Variants in NFIB observed in about 807,000 individuals in gnomAD.
NFIB encodes nuclear factor 1 B-type.
Under a neutral mutation model 61.5 loss-of-function variants are expected in NFIB, and 11 were observed. That is an observed-to-expected ratio of 0.18 (90% CI 0.11 to 0.30). NFIB has a LOEUF of 0.30. NFIB is among the 10% of genes least tolerant of loss of function. The pLI is 1.00. For synonymous variants in NFIB, 260 were observed against 216.5 expected (o/e 1.20, Z -1.76); for missense variants, 471 against 608.9 (o/e 0.77, Z 2.38).
At chr9:14,491,868 A>T in the NFIB span, among the ~76,000 whole-genome samples, 1 of 152,176 alleles carries the variant, frequency 6.6e-6, no homozygotes, top group African/African-American at 2.4e-5. Context: ...TGAAGGGATA[A>T]ATATAATCTG....
At chr9:14,434,601 C>A in the NFIB span, among the ~76,000 whole-genome samples, 1 of 152,168 alleles carries the variant, frequency 6.6e-6, no homozygotes, top group African/African-American at 2.4e-5. Flanking sequence ...TAGTTTTCTC[C>A]CCGCCAGAAT....
intron 1 of NFIB, among the ~76,000 whole-genome samples, chr9:14,340,893 G>A (rs1227533411): frequency 6.9e-6 from 1 of 145,340 alleles, no homozygotes; most frequent in Admixed American, 6.8e-5. Flanking sequence ...GTCATGGAAA[G>A]AACAGAGGAC....
At chr9:14,442,858 G>T in the NFIB span, among the ~76,000 whole-genome samples, 1 of 152,116 alleles carries the variant, frequency 6.6e-6, no homozygotes, top group Non-Finnish European at 1.5e-5. Context: ...AGTAACAACG[G>T]TATCACTAAT....
the NFIB span, among the ~76,000 whole-genome samples, chr9:14,425,031 A>G: frequency 1.3e-5 from 2 of 152,130 alleles, no homozygotes; most frequent in African/African-American, 4.8e-5. Context: ...GTAAATATGG[A>G]AGTACTCAAG....
chr9:14,346,619 C>G (rs2061026233), intron 1 of NFIB, among the ~76,000 whole-genome samples: 1 of 152,150 alleles, frequency 6.6e-6, no homozygotes, highest in Admixed American at 6.5e-5. Context: ...CGTTGGCTTG[C>G]TGGTTTGAAA....
chr9:14,476,077 G>T, the NFIB span, among the ~76,000 whole-genome samples: 1 of 152,122 alleles, frequency 6.6e-6, no homozygotes, highest in Non-Finnish European at 1.5e-5. Context: ...TCAATAGGAG[G>T]CAAATTTGAA....
At chr9:14,266,191 C>T (rs934898135) in intron 2 of NFIB, among the ~76,000 whole-genome samples, 3 of 152,188 alleles carry the variant, frequency 2.0e-5, no homozygotes, top group Admixed American at 6.5e-5. Flanking sequence ...TCTTCAATAA[C>T]ACCCAAATCT....
At chr9:14,157,932 G>A (rs1194024334) in intron 3 of NFIB, among the ~76,000 whole-genome samples, 1 of 151,928 alleles carries the variant, frequency 6.6e-6, no homozygotes, top group Non-Finnish European at 1.5e-5. Context: ...CCAATATGGT[G>A]AAACCCCATC....
chr9:14,447,085 A>G, the NFIB span, among the ~76,000 whole-genome samples: 3 of 152,096 alleles, frequency 2.0e-5, no homozygotes, highest in Non-Finnish European at 4.4e-5. Flanking sequence ...TATCATAAGA[A>G]TCTTATATTT....
intron 2 of NFIB, among the ~76,000 whole-genome samples, chr9:14,187,242 G>GTTGT (rs111386873): frequency 0.018 from 2,548 of 140,302 alleles, 63 homozygotes; most frequent in African/African-American, 0.07. Context: ...GATCTTGTTT[G>GTTGT]TTGTTTGTTT....
chr9:14,110,927 G>C (rs1027698308), intron 10 of NFIB, among the ~76,000 whole-genome samples: 1 of 152,000 alleles, frequency 6.6e-6, no homozygotes, highest in Non-Finnish European at 1.5e-5. Context: ...TCATTACATA[G>C]AGGACAAATT....
intron 1 of NFIB, among the ~76,000 whole-genome samples, chr9:14,350,874 G>T (rs1042702691): frequency 3.3e-5 from 5 of 152,074 alleles, no homozygotes; most frequent in African/African-American, 9.7e-5. Flanking sequence ...GCAAATATTG[G>T]CACAAAGCTG....
At chr9:14,473,048 G>T in the NFIB span, among the ~76,000 whole-genome samples, 1 of 152,164 alleles carries the variant, frequency 6.6e-6, no homozygotes, top group African/African-American at 2.4e-5. Context: ...AGCATCCCAT[G>T]ATGTAGAATT....
chr9:14,290,124 T>C (rs187770580), intron 2 of NFIB, among the ~76,000 whole-genome samples: 2 of 152,210 alleles, frequency 1.3e-5, no homozygotes, highest in East Asian at 3.9e-4. Flanking sequence ...ATCTATCATG[T>C]CTTTGTACTC....
intron 10 of NFIB, among the ~76,000 whole-genome samples, chr9:14,112,509 T>C (rs1025657114): frequency 3.3e-5 from 5 of 152,170 alleles, no homozygotes; most frequent in African/African-American, 1.2e-4. Context: ...TTTAAAGCTA[T>C]TAAAATAATA....
At chr9:14,151,302 G>T (rs2042845879) in intron 4 of NFIB, among the ~76,000 whole-genome samples, 1 of 152,110 alleles carries the variant, frequency 6.6e-6, no homozygotes. Context: ...TCAAAAACGT[G>T]TTAAAAGCAG....
At chr9:14,531,141 ATCCCAGCACTCTGATTACAGAAAGTTAC>A in the NFIB span, among the ~76,000 whole-genome samples, 5 of 152,152 alleles carry the variant, frequency 3.3e-5, no homozygotes, top group African/African-American at 1.2e-4. Context: ...ACTACCTCTC[ATCCCAGCACTCTGATTACAGAAAGTTAC>A]AACTTCTCTC....
the NFIB span, among the ~76,000 whole-genome samples, chr9:14,520,027 G>T: frequency 2.6e-5 from 4 of 151,888 alleles, no homozygotes; most frequent in Non-Finnish European, 5.9e-5. Flanking sequence ...GTGAAAATAT[G>T]AAGTCCATAT....
chr9:14,147,142 C>A (rs2042353854), intron 5 of NFIB, among the ~76,000 whole-genome samples: 1 of 152,040 alleles, frequency 6.6e-6, no homozygotes, highest in South Asian at 2.1e-4. Context: ...TTATTGTGTA[C>A]CTGACTCATT....
Sources: gnomAD v4.1 joint callset for allele counts (sites outside exome capture counted in the v4.1 genomes callset) on GRCh38, gnomAD v4.1.1 for gene constraint, MANE v1.5 for transcripts, NCBI Gene and HGNC (gene_info 2026-07-23, HGNC 2026-07-21) for gene names.